KIRREL3: variants seen among roughly 807,000 people sequenced by gnomAD.
The protein encoded by KIRREL3 is kin of IRRE-like protein 3.
A neutral mutation model predicts 89.7 loss-of-function variants in KIRREL3; 36 were observed. The observed-to-expected ratio is 0.40, with a 90% CI of 0.31 to 0.53. KIRREL3 has a LOEUF of 0.53. Among genes scored for constraint, KIRREL3 ranks in the 20% least tolerant of loss-of-function variants. The pLI is 0.49. For synonymous variants in KIRREL3, 445 were observed against 441.4 expected (o/e 1.01, Z -0.10); for missense variants, 864 against 1,056.6 (o/e 0.82, Z 2.53).
At chr11:126,473,501 C>A (rs937484330) in intron 4 of KIRREL3, 35 bp from the exon 5 acceptor site, 2 of 1,505,740 alleles carry the variant, frequency 1.3e-6, no homozygotes, top group African/African-American at 1.4e-5. Flanking sequence ...CAGGCCGAGG[C>A]TCCCACCTCG....
chr11:126,561,537 C>G lies in KIRREL3; in HGVS notation c.133+1298G>C, dbSNP rs1940123212. On this transcript the variant is annotated intron_variant, in intron 2 of 16. Transcript: ENST00000525144. This position sits in a 1 kb window ranked among gnomAD's most constrained non-coding sequence, Gnocchi z 4.5. The stretch of plus-strand genomic sequence containing the variant: ...AAATTAGAAGTTACTGCCTAGCAGT[C>G]TTGTCAAGGCAGTGGTGTTGGGGAG... Among the ~76,000 whole-genome samples, 1 of 152,178 alleles carries G rather than the reference C, an allele frequency of 6.6e-6. No homozygotes were observed. The highest frequency in any genetic ancestry group is 1.5e-5 in the Non-Finnish European group (1 of 68,030).
chr11:126,570,172 T>A lies in KIRREL3; in HGVS notation c.56-7260A>T, dbSNP rs575727359. 9.1e-4 allele frequency among the ~76,000 whole-genome samples: 138 copies of A among 152,298 alleles called. 2 individuals are homozygous for A. Among genetic ancestry groups the A allele is most frequent in the African/African-American group, 3.2e-3 (132 of 41,544 alleles). On this transcript the variant is annotated intron_variant, in intron 1 of 16. Coordinates refer to ENST00000525144, the MANE Select transcript of KIRREL3 (RefSeq NM_032531.4). The surrounding 1 kb of genome is among the most constrained non-coding windows in gnomAD (Gnocchi z 6.1). ...TAATACCTGTTTTATAATTTTTGGATCTCATTGCTTGCTAATTCTAAGTTT... is the reference window on the plus strand; with the variant it reads ...TAATACCTGTTTTATAATTTTTGGAACTCATTGCTTGCTAATTCTAAGTTT...
At chr11:126,789,354 C>T (rs1404629411) in intron 1 of KIRREL3, among the ~76,000 whole-genome samples, 3 of 152,162 alleles carry the variant, frequency 2.0e-5, no homozygotes, top group African/African-American at 4.8e-5. Context: ...TTCTTCCTTC[C>T]CTGGACCATT....
At chr11:126,966,700 T>A (rs1949281759) in intron 1 of KIRREL3, among the ~76,000 whole-genome samples, 1 of 152,142 alleles carries the variant, frequency 6.6e-6, no homozygotes, top group African/African-American at 2.4e-5. Context: ...GGCCCTTCTC[T>A]TAACTAGCAT....
rs755543918 is a variant in KIRREL3 at position 126,660,845 on chromosome 11, A to G, written c.56-97933T>C. Among the ~76,000 whole-genome samples the G allele has an allele frequency of 1.1e-3, 161 of 152,200 alleles. 7 individuals are homozygous for G. Among genetic ancestry groups the G allele is most frequent in the Non-Finnish European group, 3.2e-4 (22 of 68,046 alleles). ...CAATATGGTTTTCCCTGGGCTGTATATTAACACCATCCTGGCAGCTATAGG... is the reference window on the plus strand; with the variant it reads ...CAATATGGTTTTCCCTGGGCTGTATGTTAACACCATCCTGGCAGCTATAGG... On this transcript the variant is annotated intron_variant, in intron 1 of 16. Transcript: ENST00000525144.
chr11:126,693,530 G>A (rs1198921774), intron 1 of KIRREL3, among the ~76,000 whole-genome samples: 6 of 152,074 alleles, frequency 3.9e-5, no homozygotes, highest in African/African-American at 7.2e-5. Context: ...CCGGCATGCC[G>A]TAAAAGCGTG....
Position 126,440,333 on chromosome 11 carries a change from C to T in KIRREL3, c.1353+116G>A, listed in dbSNP as rs759368640. 4 of 892,924 alleles carry T rather than the reference C, an allele frequency of 4.5e-6. No homozygotes were observed. In the South Asian group the frequency reaches 5.7e-5, roughly 13 times the overall value. 55.3% of individuals were successfully genotyped at this position (892,924 alleles called of 1,614,324 possible). On this transcript the variant is annotated intron_variant, in intron 11 of 16. Transcript: ENST00000525144. ...CAGCCAAGGCAGGTATAATTTTCCTCAGCAAGAAAGAGGAACCTCGGAGGT... is the reference window on the plus strand; with the variant it reads ...CAGCCAAGGCAGGTATAATTTTCCTTAGCAAGAAAGAGGAACCTCGGAGGT...
rs1185119308 is a variant in KIRREL3 at position 126,628,312 on chromosome 11, G to A, written c.56-65400C>T. ...TGAGAAGGAAAATGAGAACATTCCGGAAGGAAGCACTCTTCTTTCTCTGGC... is the reference window on the plus strand; with the variant it reads ...TGAGAAGGAAAATGAGAACATTCCGAAAGGAAGCACTCTTCTTTCTCTGGC... On this transcript the variant is annotated intron_variant, in intron 1 of 16. Coordinates refer to ENST00000525144, the MANE Select transcript of KIRREL3 (RefSeq NM_032531.4). The surrounding 1 kb of genome is among the most constrained non-coding windows in gnomAD (Gnocchi z 5.2). 1.3e-5 allele frequency among the ~76,000 whole-genome samples: 2 copies of A among 152,148 alleles called. No homozygotes were observed. The highest frequency in any genetic ancestry group is 1.5e-5 in the Non-Finnish European group (1 of 68,030).
At chr11:126,720,303 C>T (rs1418277545) in intron 1 of KIRREL3, among the ~76,000 whole-genome samples, 2 of 152,222 alleles carry the variant, frequency 1.3e-5, no homozygotes, top group African/African-American at 4.8e-5. Context: ...TGGTGAGACT[C>T]TGCAGTCCTT....
chr11:126,829,361 G>A (rs1419593358), intron 1 of KIRREL3, among the ~76,000 whole-genome samples: 2 of 152,140 alleles, frequency 1.3e-5, no homozygotes, highest in Non-Finnish European at 2.9e-5. Flanking sequence ...CAATTTGCGG[G>A]TACACCATTC....
chr11:126,911,869 G>GCTACT (rs1434514044), intron 1 of KIRREL3, among the ~76,000 whole-genome samples: 1 of 151,912 alleles, frequency 6.6e-6, no homozygotes, highest in Admixed American at 6.6e-5. Context: ...TGTAGTCCCA[G>GCTACT]CTACTCGGGA....
At chr11:126,767,698 A>C (rs910502581) in intron 1 of KIRREL3, among the ~76,000 whole-genome samples, 1 of 152,204 alleles carries the variant, frequency 6.6e-6, no homozygotes, top group Admixed American at 6.5e-5. Context: ...TAAATCAGTC[A>C]GCGGATATCT....
At chr11:126,572,579 CCCCG>C (rs143530855) in intron 1 of KIRREL3, among the ~76,000 whole-genome samples, 31,662 of 150,988 alleles carry the variant, frequency 0.21, 3,426 homozygotes, top group East Asian at 0.4. Flanking sequence ...GGGACCCCCC[CCCCG>C]CCAAGCAGGT....
At chr11:126,800,788 C>T (rs906189442) in intron 1 of KIRREL3, among the ~76,000 whole-genome samples, 1 of 152,178 alleles carries the variant, frequency 6.6e-6, no homozygotes, top group African/African-American at 2.4e-5. Context: ...AACCATTCAA[C>T]CCCTGGACAA....
At position 126,449,002 on chromosome 11, in the gene KIRREL3, C is replaced by T. The variant is rs376828730; in HGVS notation, c.997+7G>A. 230 of 1,601,164 alleles carry T rather than the reference C, an allele frequency of 1.4e-4. No individual in the cohort carries two copies. Among genetic ancestry groups the T allele is most frequent in the Non-Finnish European group, 1.8e-4 (206 of 1,170,038 alleles). Reference sequence around the variant, plus strand: ...TCGCCTGGGGAAGCCTGCACCACTGCACTCACAGTAGACGTCAACCGTGCG... The same window carrying T: ...TCGCCTGGGGAAGCCTGCACCACTGTACTCACAGTAGACGTCAACCGTGCG... On this transcript the variant is annotated splice_region_variant and intron_variant, in intron 8 of 16. Coordinates refer to ENST00000525144, the MANE Select transcript of KIRREL3 (RefSeq NM_032531.4).
In KIRREL3 at chr11:126,682,440, T is replaced by G. The variant is rs188122513; in HGVS notation, c.56-119528A>C. 6.6e-6 allele frequency among the ~76,000 whole-genome samples: 1 copy of G among 152,228 alleles called. No individual in the cohort carries two copies. ...TGAATCTGGTGATACTGAGTAGGTG[T>G]GCAATCAATATTTGTTTTTTCCTGC... On this transcript the variant is annotated intron_variant, in intron 1 of 16. Transcript: ENST00000525144. The surrounding 1 kb of genome is among the most constrained non-coding windows in gnomAD (Gnocchi z 4.8).
rs942292525 is a variant in KIRREL3, at chr11:126,941,784, C to T, written c.55+58671G>A. Among the ~76,000 whole-genome samples the T allele has an allele frequency of 3.3e-5, 5 of 152,204 alleles. No individual in the cohort carries two copies. The South Asian group carries it at 6.2e-4, about 19-fold the overall frequency. On this transcript the variant is annotated intron_variant, in intron 1 of 16. Coordinates refer to ENST00000525144, the MANE Select transcript of KIRREL3 (RefSeq NM_032531.4). ...GCCGTGCCCTGGGAAGGATGGTAGGCCTCCAGGGATCTATCTCAGTGTAAC... is the reference window on the plus strand; with the variant it reads ...GCCGTGCCCTGGGAAGGATGGTAGGTCTCCAGGGATCTATCTCAGTGTAAC...
chr11:126,735,402 G>A (rs1396125556), intron 1 of KIRREL3, among the ~76,000 whole-genome samples: 1 of 152,184 alleles, frequency 6.6e-6, no homozygotes, highest in Non-Finnish European at 1.5e-5. Context: ...GACAGAGAAA[G>A]AGAGCTTCCA....
chr11:126,869,530 A>C (rs572877425), intron 1 of KIRREL3, among the ~76,000 whole-genome samples: 62 of 152,320 alleles, frequency 4.1e-4, no homozygotes, highest in Middle Eastern at 3.4e-3. Context: ...TTTGGTGAAT[A>C]GATAAATTCC....
Sources: gnomAD v4.1 joint callset for allele counts (sites outside exome capture counted in the v4.1 genomes callset) on GRCh38, gnomAD v4.1.1 for gene constraint, Gnocchi (gnomAD v3.1) non-coding constraint, MANE v1.5 for transcripts, NCBI Gene and HGNC (gene_info 2026-07-23, HGNC 2026-07-21) for gene names.